Variants in LMAN1L observed in about 807,000 individuals in gnomAD.
The protein encoded by LMAN1L is lectin, mannose binding 1 like, also known as protein ERGIC-53-like.
Under a neutral mutation model 58.3 loss-of-function variants are expected in LMAN1L, and 60 were observed. The ratio of observed to expected loss-of-function variants is 1.03; its 90% CI spans 0.84 to 1.27. The LOEUF (loss-of-function observed/expected upper bound fraction) is 1.27. LMAN1L is among the 50% of genes most tolerant of loss of function. The probability of loss-of-function intolerance (pLI) is 0.00; values close to 1 mark genes in which losing one functional copy is unlikely to be tolerated. For missense variants in LMAN1L, 629 were observed against 674.0 expected (o/e 0.93, Z 0.74); for synonymous variants, 280 against 271.6 (o/e 1.03, Z -0.31).
intron 4 of LMAN1L, 62 bp downstream of exon 4, chr15:74,816,752 C>G (rs191127849): frequency 4.0e-6 from 6 of 1,485,428 alleles, no homozygotes; most frequent in East Asian, 2.4e-5. Context: ...GCCCATCCCC[C>G]CCATCCGAGC....
In LMAN1L at chr15:74,818,785, G is replaced by C; in HGVS notation, c.565G>C (p.Ala189Pro). Residue 189 changes from alanine to proline, a missense_variant, in exon 5 of 14, where the codon GCA (alanine) becomes CCA (proline). Ala to Pro is a conservative substitution (Grantham distance 27). Coordinates refer to ENST00000309664, the MANE Select transcript of LMAN1L (RefSeq NM_021819.3). ...CCGGAACCGGCCACACCCCTTCAGA[G>C]CACGGATCACCTACTGGGGGCAGAG... ...DFRNRPHPFR[A>P]RITYWGQRLR... 2 of 1,611,586 alleles carry C rather than the reference G, an allele frequency of 1.2e-6. No individual in the cohort carries two copies. The highest frequency in any genetic ancestry group is 1.7e-6 in the Non-Finnish European group (2 of 1,179,202).
At chr15:74,825,236 G>C (rs1300989285) in intron 13 of LMAN1L, 1 of 424,406 alleles carries the variant, frequency 2.4e-6, no homozygotes, top group Non-Finnish European at 4.3e-6. Context: ...ATGCTCACAG[G>C]CTTCAGCACA....
intron 12 of LMAN1L, 141 bp downstream of exon 12, chr15:74,823,823 C>T: frequency 1.1e-6 from 1 of 937,004 alleles, no homozygotes; most frequent in Non-Finnish European, 1.6e-6. Context: ...ACATCTGTGC[C>T]TGCGTCAGTG....
In LMAN1L at chr15:74,825,710, G is replaced by T. The variant is rs538501124; in HGVS notation, c.*105G>T. The T allele has an allele frequency of 1.7e-6, 2 of 1,169,608 alleles. No homozygotes were observed. The highest frequency in any genetic ancestry group is 2.8e-5 in the South Asian group (2 of 71,348). 72.5% of individuals were successfully genotyped at this position (1,169,608 alleles called of 1,614,324 possible). A position where few individuals can be genotyped will look rare whatever the true frequency, so the allele number is the denominator to read the frequency against. ...GGGTGCCCAGCTCCCACGCACACCT[G>T]AGCTTTCGGCATGCTCCCACCTCGT... On this transcript the variant is annotated 3_prime_UTR_variant, in exon 14 of 14. Coordinates refer to ENST00000309664, the MANE Select transcript of LMAN1L (RefSeq NM_021819.3).
chr15:74,819,140 C>A lies in LMAN1L; in HGVS notation c.598-12C>A, dbSNP rs766025002. 1 of 1,602,670 alleles carries A rather than the reference C, an allele frequency of 6.2e-7. No individual in the cohort carries two copies. The highest frequency in any genetic ancestry group is 2.2e-5 in the East Asian group (1 of 44,708). ...ACACCCCCCCACTGCTCACTCTCTC[C>A]ATGTCCCTCAGATGTCCTTGAACAG... On this transcript the variant is annotated splice_polypyrimidine_tract_variant and intron_variant, in intron 5 of 13. Coordinates refer to ENST00000309664, the MANE Select transcript of LMAN1L (RefSeq NM_021819.3).
intron 4 of LMAN1L, among the ~76,000 whole-genome samples, chr15:74,818,505 C>T (rs1470886260): frequency 3.0e-4 from 45 of 152,194 alleles, no homozygotes; most frequent in Non-Finnish European, 1.5e-5. Context: ...ACCAGCCTGA[C>T]CAACAATGTG....
chr15:74,818,455 C>T (rs2063902301), intron 4 of LMAN1L, among the ~76,000 whole-genome samples: 1 of 152,126 alleles, frequency 6.6e-6, no homozygotes, highest in East Asian at 1.9e-4. Context: ...AGCACTTTGG[C>T]AGCCAAGACA....
At chr15:74,815,316 C>T (rs186510613) in intron 1 of LMAN1L, among the ~76,000 whole-genome samples, 1 of 152,320 alleles carries the variant, frequency 6.6e-6, no homozygotes, top group East Asian at 1.9e-4. Flanking sequence ...TCCAGAACGT[C>T]CTGGCAGAGT....
chr15:74,821,211 G>C lies in LMAN1L; in HGVS notation c.1044G>C (p.Arg348Ser), dbSNP rs2141116529. ...AGCTGGGGCCCCCAGGCCAAGCCAG[G>C]CCTGACGGAGGCTGGGTGAGAAGCC... is the stretch of plus-strand genomic sequence containing the variant. Reference protein sequence around the residue: ...KKQLGPPGQARPDGGWALDAS... With the variant: ...KKQLGPPGQASPDGGWALDAS... The change falls in exon 9 of 14, where the codon AGG (arginine) becomes AGC (serine). Residue 348 changes from arginine (R) to serine (S), a missense_variant. Transcript: ENST00000309664. 1.3e-6 allele frequency: 2 copies of C among 1,549,540 alleles called. No homozygotes were observed. The highest frequency in any genetic ancestry group is 1.7e-6 in the Non-Finnish European group (2 of 1,147,086).
chr15:74,818,924 T>A (rs533882873), intron 5 of LMAN1L, 107 bp downstream of exon 5: 376 of 1,095,514 alleles, frequency 3.4e-4, no homozygotes, highest in Non-Finnish European at 4.6e-4. Context: ...GTGAGGTCCC[T>A]GGCACACACG....
In LMAN1L at chr15:74,824,498, G is replaced by C; in HGVS notation, c.1451+20G>C. 2.5e-6 allele frequency: 4 copies of C among 1,613,882 alleles called. No individual in the cohort carries two copies. The highest frequency in any genetic ancestry group is 2.5e-6 in the Non-Finnish European group (3 of 1,179,812). Reference sequence around the variant, plus strand: ...CTTCAGGTGGGCCACCCCGTGAGCAGGATTTCCCACAGCACTGGCATCTCT... The same window carrying C: ...CTTCAGGTGGGCCACCCCGTGAGCACGATTTCCCACAGCACTGGCATCTCT... On this transcript the variant is annotated intron_variant, in intron 13 of 13. Coordinates refer to ENST00000309664, the MANE Select transcript of LMAN1L (RefSeq NM_021819.3).
In LMAN1L at chr15:74,818,817, C is replaced by G; in HGVS notation, c.597C>G (p.Arg199=). Residue 199 remains arginine (R), a splice_region_variant and synonymous_variant, in exon 5 of 14, where the codon CGC becomes CGG. Transcript: ENST00000309664. ...ARITYWGQRL[R]MSLNSGLTPS... ...TCACCTACTGGGGGCAGAGGCTGCG[C>G]GTGAGTCACCCTTCCTGCTTCTGAC... is the stretch of plus-strand genomic sequence containing the variant. The G allele has an allele frequency of 1.9e-6, 3 of 1,605,056 alleles. No individual in the cohort carries two copies. Among genetic ancestry groups the G allele is most frequent in the Non-Finnish European group, 2.6e-6 (3 of 1,175,988 alleles).
Position 74,821,203 on chromosome 15 carries a change from C to T in LMAN1L, c.1036C>T (p.Gln346Ter), listed in dbSNP as rs905469182. The T allele has an allele frequency of 3.9e-6, 6 of 1,549,712 alleles. No homozygotes were observed. The African/African-American group carries it at 6.8e-5, about 18-fold the overall frequency. The change falls in exon 9 of 14, where the codon CAA becomes TAA. Residue 346 changes from glutamine to a stop codon, truncating the protein, a stop_gained. Transcript: ENST00000309664. LOFTEE classifies it high-confidence loss of function. ...GAAGAAGCAGCTGGGGCCCCCAGGCCAAGCCAGGCCTGACGGAGGCTGGGT... is the reference window on the plus strand; with the variant it reads ...GAAGAAGCAGCTGGGGCCCCCAGGCTAAGCCAGGCCTGACGGAGGCTGGGT... The part of the protein sequence containing the change: ...QWKKQLGPPG[Q>*]ARPDGGWALD...
At chr15:74,823,750 C>T in intron 12 of LMAN1L, 68 bp downstream of exon 12, 1 of 1,566,166 alleles carries the variant, frequency 6.4e-7, no homozygotes, top group South Asian at 1.1e-5. Context: ...ACCCTTCTTC[C>T]AGCACTTCAG....
At chr15:74,816,806 C>G in intron 4 of LMAN1L, 116 bp downstream of exon 4, 2 of 1,005,882 alleles carry the variant, frequency 2.0e-6, no homozygotes, top group Non-Finnish European at 2.9e-6. Context: ...CCTGCCGGGC[C>G]GCCATACTTG....
At chr15:74,818,228 C>G (rs1405350554) in intron 4 of LMAN1L, among the ~76,000 whole-genome samples, 1 of 152,172 alleles carries the variant, frequency 6.6e-6, no homozygotes, top group Non-Finnish European at 1.5e-5. Flanking sequence ...GCTCCTCTCT[C>G]TTCTGCCAAG....
intron 1 of LMAN1L, among the ~76,000 whole-genome samples, chr15:74,814,024 G>A (rs1250705956): frequency 5.9e-5 from 9 of 151,428 alleles, no homozygotes; most frequent in Admixed American, 4.6e-4. Context: ...TCCTCAGGAG[G>A]CTGAGGCAGG....
intron 1 of LMAN1L, among the ~76,000 whole-genome samples, chr15:74,814,583 C>G (rs905667883): frequency 1.3e-5 from 2 of 152,144 alleles, no homozygotes; most frequent in African/African-American, 2.4e-5. Flanking sequence ...CCTTGTTAGC[C>G]AGGATGGTTT....
At chr15:74,814,353 G>A (rs924021723) in intron 1 of LMAN1L, among the ~76,000 whole-genome samples, 7 of 138,660 alleles carry the variant, frequency 5.0e-5, no homozygotes, top group African/African-American at 1.3e-4. Context: ...GCCACCACAC[G>A]CAGCTAATTT....
Sources: gnomAD v4.1 joint callset for allele counts (sites outside exome capture counted in the v4.1 genomes callset) on GRCh38, gnomAD v4.1.1 for gene constraint, MANE v1.5 for transcripts, NCBI Gene and HGNC (gene_info 2026-07-23, HGNC 2026-07-21) for gene names.